Variants in RBFOX1 observed in about 807,000 individuals in gnomAD.
RBFOX1 encodes the protein RNA binding protein fox-1 homolog 1.
RBFOX1 carries 8 observed loss-of-function variants against 57.7 expected under a neutral mutation model. That is an observed-to-expected ratio of 0.14 (90% CI 0.08 to 0.25). The LOEUF is 0.25. Ranked by LOEUF, RBFOX1 falls within the 10% of genes least tolerant of loss-of-function variation. The probability of loss-of-function intolerance (pLI) is 1.00; values close to 1 mark genes in which losing one functional copy is unlikely to be tolerated. For synonymous variants in RBFOX1, 326 were observed against 222.4 expected, an observed-to-expected ratio of 1.47 and a Z score of -4.15; for missense variants, 611 against 548.5, an observed-to-expected ratio of 1.11 and a Z score of -1.14.
chr16:6,791,240 A>G (rs1346803649), intron 3 of RBFOX1, among the ~76,000 whole-genome samples: 2 of 152,176 alleles, frequency 1.3e-5, no homozygotes, highest in Non-Finnish European at 2.9e-5. Flanking sequence ...TTGGCAGAAG[A>G]TGCTAGGAGA....
At chr16:6,368,046 T>C (rs936916458) in intron 2 of RBFOX1, among the ~76,000 whole-genome samples, 2 of 152,198 alleles carry the variant, frequency 1.3e-5, no homozygotes, top group African/African-American at 4.8e-5. Context: ...TTACGTGTCT[T>C]GGTCACCCCC....
chr16:6,975,886 G>T (rs2086717717), intron 3 of RBFOX1, among the ~76,000 whole-genome samples: 1 of 152,118 alleles, frequency 6.6e-6, no homozygotes, highest in Non-Finnish European at 1.5e-5. Flanking sequence ...CAGCACTTTG[G>T]GAGGCTGAGG....
At chr16:7,163,801 C>T (rs758086496) in intron 4 of RBFOX1, among the ~76,000 whole-genome samples, 5 of 152,010 alleles carry the variant, frequency 3.3e-5, no homozygotes, top group Admixed American at 1.3e-4. Flanking sequence ...GGACTGTAGG[C>T]GCATGCCACC....
chr16:5,906,372 T>C (rs1490867225), intron 4 of RBFOX1, among the ~76,000 whole-genome samples: 1 of 152,114 alleles, frequency 6.6e-6, no homozygotes, highest in Non-Finnish European at 1.5e-5. Context: ...GAGATCAAGG[T>C]AATGTTTCTG....
intron 1 of RBFOX1, among the ~76,000 whole-genome samples, chr16:6,267,357 C>G (rs1250700491): frequency 6.6e-6 from 1 of 152,192 alleles, no homozygotes; most frequent in East Asian, 1.9e-4. Flanking sequence ...TTTGACCTCT[C>G]CTGATAAACC....
chr16:6,042,500 T>G (rs766188953), intron 1 of RBFOX1, among the ~76,000 whole-genome samples: 3 of 152,138 alleles, frequency 2.0e-5, no homozygotes, highest in Non-Finnish European at 4.4e-5. Flanking sequence ...GCAACCGCAA[T>G]CCATCTGCAA....
At chr16:7,286,235 C>G (rs998159267) in intron 4 of RBFOX1, among the ~76,000 whole-genome samples, 6 of 152,106 alleles carry the variant, frequency 3.9e-5, no homozygotes, top group African/African-American at 1.4e-4. Flanking sequence ...ACTTGTAGCA[C>G]AATCGCCATT....
At chr16:6,989,850 A>G (rs547841344) in intron 3 of RBFOX1, among the ~76,000 whole-genome samples, 2 of 151,960 alleles carry the variant, frequency 1.3e-5, no homozygotes, top group Admixed American at 6.6e-5. Context: ...AAATACAAAC[A>G]TTAGCCAGGC....
intron 2 of RBFOX1, among the ~76,000 whole-genome samples, chr16:6,484,510 C>T (rs904348604): frequency 2.0e-5 from 3 of 152,066 alleles, no homozygotes; most frequent in African/African-American, 7.2e-5. Flanking sequence ...GAGAAATGTG[C>T]CTTGCCTTCT....
At chr16:6,989,947 A>G (rs549454585) in intron 3 of RBFOX1, among the ~76,000 whole-genome samples, 2 of 152,212 alleles carry the variant, frequency 1.3e-5, no homozygotes, top group South Asian at 2.1e-4. Context: ...GTTGCAGTGA[A>G]CTGAGACCGC....
intron 3 of RBFOX1, among the ~76,000 whole-genome samples, chr16:6,865,107 A>G (rs543805186): frequency 4.1e-5 from 6 of 147,258 alleles, no homozygotes; most frequent in African/African-American, 1.5e-4. Flanking sequence ...GGTTCAAGCA[A>G]TTCTCCACCC....
intron 2 of RBFOX1, among the ~76,000 whole-genome samples, chr16:6,607,075 C>T (rs147425487): frequency 6.6e-6 from 1 of 152,216 alleles, no homozygotes; most frequent in South Asian, 2.1e-4. Flanking sequence ...TTTAATATAC[C>T]TGAGGCTGCT....
chr16:6,567,382 A>T (rs2097281773), intron 2 of RBFOX1, among the ~76,000 whole-genome samples: 2 of 152,148 alleles, frequency 1.3e-5, no homozygotes, highest in African/African-American at 4.8e-5. Flanking sequence ...TGAGTAGCTC[A>T]GGTTCGTTTG....
chr16:6,251,562 A>G (rs2097612357), intron 1 of RBFOX1, among the ~76,000 whole-genome samples: 2 of 152,058 alleles, frequency 1.3e-5, no homozygotes, highest in African/African-American at 4.8e-5. Context: ...TGCTTTGCTA[A>G]AGCCTCCCCC....
intron 12 of RBFOX1, among the ~76,000 whole-genome samples, chr16:7,662,917 G>A (rs138648459): frequency 6.6e-6 from 1 of 152,362 alleles, no homozygotes; most frequent in Non-Finnish European, 1.5e-5. Context: ...GATTGAGGAT[G>A]CTGCAGTCTG....
chr16:5,671,308 G>T (rs2050005579), intron 3 of RBFOX1, among the ~76,000 whole-genome samples: 1 of 152,176 alleles, frequency 6.6e-6, no homozygotes, highest in South Asian at 2.1e-4. Context: ...CAGGGGGAGA[G>T]ACATGATCAT....
intron 3 of RBFOX1, among the ~76,000 whole-genome samples, chr16:6,898,524 A>T (rs11642041): frequency 0.25 from 37,393 of 152,148 alleles, 5,376 homozygotes; most frequent in East Asian, 0.45. Context: ...AAAACAAAGT[A>T]CAGACGCAAA....
intron 14 of RBFOX1, among the ~76,000 whole-genome samples, chr16:7,680,700 A>G (rs545365891): frequency 3.3e-5 from 5 of 152,190 alleles, no homozygotes; most frequent in Non-Finnish European, 7.4e-5. Context: ...TTTTGTTTTA[A>G]TGTATACCTT....
At chr16:5,753,399 G>A (rs2053282784) in intron 3 of RBFOX1, among the ~76,000 whole-genome samples, 1 of 152,148 alleles carries the variant, frequency 6.6e-6, no homozygotes, top group Non-Finnish European at 1.5e-5. Context: ...AAAAAATTTA[G>A]AATATACTTG....
Sources: allele counts gnomAD v4.1 joint callset (sites outside exome capture counted in the v4.1 genomes callset), GRCh38; gene constraint gnomAD v4.1.1; transcripts MANE v1.5; gene names NCBI Gene and HGNC (gene_info 2026-07-23, HGNC 2026-07-21).